The following ZC3H12B variants were observed in gnomAD, a reference collection of about 807,000 sequenced individuals.
ZC3H12B encodes probable ribonuclease ZC3H12B.
In ZC3H12B, 7 loss-of-function variants were observed where a neutral mutation model predicts 43.9. The observed-to-expected ratio is 0.16, with a 90% CI of 0.09 to 0.30. ZC3H12B has a LOEUF of 0.30. Ranked by LOEUF, ZC3H12B falls within the 10% of genes least tolerant of loss-of-function variation. ZC3H12B has a pLI of 1.00. For missense variants in ZC3H12B, 475 were observed against 670.2 expected (o/e 0.71, Z 3.22); for synonymous variants, 222 against 241.7 (o/e 0.92, Z 0.76).
the ZC3H12B span, among the ~76,000 whole-genome samples, chrX:65,307,394 G>A: frequency 3.6e-5 from 4 of 111,723 alleles, no homozygotes; most frequent in Non-Finnish European, 5.6e-5. Flanking sequence ...TTGAATTTAA[G>A]TATAATCTAG....
the ZC3H12B span, among the ~76,000 whole-genome samples, chrX:65,067,392 G>T: frequency 1.8e-5 from 2 of 111,421 alleles, no homozygotes. Context: ...TTTCCTAGGG[G>T]AGGGAGTTCA....
At chrX:65,383,513 T>C (rs1039724127) in intron 2 of ZC3H12B, among the ~76,000 whole-genome samples, 2 of 111,784 alleles carry the variant, frequency 1.8e-5, no homozygotes, top group African/African-American at 3.3e-5. Context: ...GAAGTAAACC[T>C]AGGCATTACC....
chrX:65,391,955 C>T (rs770435091), intron 2 of ZC3H12B, among the ~76,000 whole-genome samples: 5 of 111,628 alleles, frequency 4.5e-5, no homozygotes, highest in African/African-American at 6.5e-5. Context: ...TTGGTGGAGA[C>T]GGGGTTTTGC....
chrX:65,293,280 C>T, the ZC3H12B span, among the ~76,000 whole-genome samples: 1 of 110,179 alleles, frequency 9.1e-6, no homozygotes, highest in Non-Finnish European at 1.9e-5. Flanking sequence ...TCTCAGGAAA[C>T]TTCAATACTA....
At chrX:65,262,636 C>T in the ZC3H12B span, among the ~76,000 whole-genome samples, 1 of 110,299 alleles carries the variant, frequency 9.1e-6, no homozygotes, top group Non-Finnish European at 1.9e-5. Context: ...ATTATTTTAT[C>T]TAATTCTCAC....
chrX:65,194,317 C>G, the ZC3H12B span, among the ~76,000 whole-genome samples: 2 of 107,603 alleles, frequency 1.9e-5, no homozygotes, highest in Non-Finnish European at 3.8e-5. Flanking sequence ...ATGGGTGCAG[C>G]ACTCCAGCAT....
At chrX:65,344,672 A>G in the ZC3H12B span, among the ~76,000 whole-genome samples, 5 of 112,522 alleles carry the variant, frequency 4.4e-5, no homozygotes, top group Admixed American at 9.4e-5. Flanking sequence ...TGATTTCATG[A>G]TGAAGACACC....
chrX:65,420,605 G>A (rs1486688124), intron 3 of ZC3H12B, among the ~76,000 whole-genome samples: 1 of 111,947 alleles, frequency 8.9e-6, no homozygotes, highest in African/African-American at 3.3e-5. Context: ...TAAAACACCA[G>A]CAATCAACCC....
the ZC3H12B span, among the ~76,000 whole-genome samples, chrX:65,159,450 G>T: frequency 9.0e-6 from 1 of 111,333 alleles, no homozygotes; most frequent in South Asian, 3.7e-4. Flanking sequence ...ATTGAGCAGT[G>T]GTCTGTAGTT....
At chrX:65,192,848 C>T in the ZC3H12B span, among the ~76,000 whole-genome samples, 1 of 111,267 alleles carries the variant, frequency 9.0e-6, no homozygotes, top group Non-Finnish European at 1.9e-5. Context: ...GGCTGGAGTG[C>T]AGTGGCACAA....
chrX:65,459,676 C>G (rs981174240), intron 3 of ZC3H12B, among the ~76,000 whole-genome samples: 1 of 111,807 alleles, frequency 8.9e-6, no homozygotes, highest in Non-Finnish European at 1.9e-5. Flanking sequence ...GCTAAAATCT[C>G]TCAATAAATT....
chrX:65,361,549 G>T, the ZC3H12B span, among the ~76,000 whole-genome samples: 1 of 111,801 alleles, frequency 8.9e-6, no homozygotes, highest in Non-Finnish European at 1.9e-5. Context: ...CTGGTTTACT[G>T]TTCCTCTTAA....
intron 3 of ZC3H12B, among the ~76,000 whole-genome samples, chrX:65,404,465 T>C (rs1277462823): frequency 9.0e-6 from 1 of 111,356 alleles, no homozygotes; most frequent in African/African-American, 3.3e-5. Flanking sequence ...GAAACACACT[T>C]TACCTATAAA....
chrX:65,048,816 G>A, the ZC3H12B span, among the ~76,000 whole-genome samples: 63 of 110,602 alleles, frequency 5.7e-4, no homozygotes, highest in Middle Eastern at 4.7e-3. Context: ...CCTAATGTAC[G>A]ACACTAGTTA....
the ZC3H12B span, among the ~76,000 whole-genome samples, chrX:65,258,020 C>A: frequency 9.0e-6 from 1 of 111,460 alleles, no homozygotes; most frequent in Non-Finnish European, 1.9e-5. Context: ...GGAGAAACTC[C>A]TCCCTAACTC....
At chrX:65,059,219 A>AACCCCCC in the ZC3H12B span, among the ~76,000 whole-genome samples, 1 of 38,472 alleles carries the variant, frequency 2.6e-5, no homozygotes. Flanking sequence ...TCTTGGAACC[A>AACCCCCC]CCCCCCCCCC....
the ZC3H12B span, among the ~76,000 whole-genome samples, chrX:65,280,596 C>T: frequency 2.7e-5 from 3 of 111,759 alleles, no homozygotes; most frequent in Non-Finnish European, 3.8e-5. Flanking sequence ...GTAAAATTGT[C>T]CCTGTTTGCA....
chrX:65,206,685 T>C, the ZC3H12B span, among the ~76,000 whole-genome samples: 1 of 111,479 alleles, frequency 9.0e-6, no homozygotes, highest in Non-Finnish European at 1.9e-5. Flanking sequence ...CTAAAAAGCT[T>C]CTGCACAGCA....
chrX:65,426,561 T>C (rs963979609), intron 3 of ZC3H12B, among the ~76,000 whole-genome samples: 5 of 110,900 alleles, frequency 4.5e-5, no homozygotes, highest in Non-Finnish European at 7.5e-5. Context: ...AATTGAGATG[T>C]TAGGTTGTTA....
Sources: allele counts gnomAD v4.1 joint callset (sites outside exome capture counted in the v4.1 genomes callset), GRCh38; gene constraint gnomAD v4.1.1; transcripts MANE v1.5; gene names NCBI Gene and HGNC (gene_info 2026-07-23, HGNC 2026-07-21).